Variants in PLCB1 observed in about 807,000 individuals in gnomAD.
PLCB1 encodes 1-phosphatidylinositol 4,5-bisphosphate phosphodiesterase beta-1.
PLCB1 carries 46 observed loss-of-function variants against 161.8 expected under a neutral mutation model. The observed-to-expected ratio is 0.28, with a 90% CI of 0.22 to 0.36. The LOEUF (loss-of-function observed/expected upper bound fraction) is 0.36, where lower values mean the gene tolerates loss of function less well. PLCB1 is among the 10% of genes least tolerant of loss of function. The pLI is 1.00. For missense variants in PLCB1, 1,016 were observed against 1,472.5 expected (o/e 0.69, Z 5.07); for synonymous variants, 517 against 503.7 (o/e 1.03, Z -0.35).
In PLCB1 at chr20:8,475,036, C is replaced by T. The variant is rs533818146; in HGVS notation, c.246+103586C>T. 6.0e-3 allele frequency among the ~76,000 whole-genome samples: 882 copies of T among 146,444 alleles called. 7 individuals carry two copies. Among genetic ancestry groups the T allele is most frequent in the African/African-American group, 0.02 (812 of 39,786 alleles). On this transcript the variant is annotated intron_variant, in intron 3 of 31. Transcript: ENST00000338037. ...ACACACACACACACACACACACAGA[C>T]ACACACACACACTCTTTAGTATATT... is the stretch of plus-strand genomic sequence containing the variant.
chr20:8,240,304 A>ACACACACG (rs757143513), intron 2 of PLCB1, among the ~76,000 whole-genome samples: 1 of 149,848 alleles, frequency 6.7e-6, no homozygotes, highest in African/African-American at 2.4e-5. Context: ...ACACACACAC[A>ACACACACG]CGCACACACA....
chr20:8,211,407 C>T (rs1978816028), intron 2 of PLCB1, among the ~76,000 whole-genome samples: 1 of 152,096 alleles, frequency 6.6e-6, no homozygotes, highest in Admixed American at 6.6e-5. Context: ...TTTATGTATA[C>T]TTCTATCTCT....
At chr20:8,246,779 T>G (rs1006674124) in intron 2 of PLCB1, among the ~76,000 whole-genome samples, 1 of 151,936 alleles carries the variant, frequency 6.6e-6, no homozygotes, top group African/African-American at 2.4e-5. Context: ...GTTTTTATCT[T>G]TTAATTTGCA....
At chr20:8,295,122 A>G (rs906786612) in intron 2 of PLCB1, among the ~76,000 whole-genome samples, 3 of 152,200 alleles carry the variant, frequency 2.0e-5, no homozygotes, top group African/African-American at 7.2e-5. Context: ...AAACAGGACT[A>G]CATTTAACAC....
chr20:8,614,584 CTGTGTGTGTGTGTGTGTGTGTG>C (rs71331317), intron 3 of PLCB1, among the ~76,000 whole-genome samples: 4 of 147,134 alleles, frequency 2.7e-5, no homozygotes, highest in South Asian at 2.2e-4. Flanking sequence ...ATGTAAAATT[CTGTGTGTGTGTGTGTGTGTGTG>C]TGTGTGTGTG....
intron 31 of PLCB1, chr20:8,792,857 A>C: frequency 3.0e-6 from 1 of 333,840 alleles, no homozygotes; most frequent in South Asian, 2.6e-5. Context: ...TAGACAGTAG[A>C]GTAAAAGAAC....
chr20:8,170,234 T>C (rs1173490771), intron 2 of PLCB1, among the ~76,000 whole-genome samples: 1 of 152,198 alleles, frequency 6.6e-6, no homozygotes, highest in African/African-American at 2.4e-5. Flanking sequence ...AGGAAAATCT[T>C]ACTGACTCTA....
At chr20:8,667,442 A>G (rs529407600) in intron 9 of PLCB1, among the ~76,000 whole-genome samples, 2 of 152,258 alleles carry the variant, frequency 1.3e-5, no homozygotes, top group East Asian at 3.9e-4. Flanking sequence ...TTGTGGATCT[A>G]TTGTTCATTG....
rs1555782393 is a variant in PLCB1, at chr20:8,676,434, G to GAA, written c.863-8497_863-8496insAA. On this transcript the variant is annotated intron_variant, in intron 9 of 31. Coordinates refer to ENST00000338037, the MANE Select transcript of PLCB1 (RefSeq NM_015192.4). ...GAAAGAGAAGAAAGAAAGAAAGAAA[G>GAA]AGAGAAAGAGTACCATTTTGAAAGC... Among the ~76,000 whole-genome samples, 267 of 151,562 alleles carry GAA rather than the reference G, an allele frequency of 1.8e-3. 2 individuals are homozygous for GAA. Among genetic ancestry groups the GAA allele is most frequent in the African/African-American group, 5.7e-3 (235 of 41,346 alleles).
At chr20:8,215,936 T>C (rs1979098006) in intron 2 of PLCB1, among the ~76,000 whole-genome samples, 1 of 152,082 alleles carries the variant, frequency 6.6e-6, no homozygotes, top group African/African-American at 2.4e-5. Context: ...CAGAGTTAAT[T>C]GGATGATACC....
intron 3 of PLCB1, among the ~76,000 whole-genome samples, chr20:8,505,673 C>T (rs2122829868): frequency 6.6e-6 from 1 of 152,270 alleles, no homozygotes; most frequent in East Asian, 1.9e-4. Flanking sequence ...TGTTAAACTG[C>T]TCAATGGTAT....
intron 2 of PLCB1, among the ~76,000 whole-genome samples, chr20:8,161,580 T>A (rs1449323438): frequency 1.3e-5 from 2 of 152,178 alleles, no homozygotes; most frequent in Non-Finnish European, 2.9e-5. Flanking sequence ...CCTGCAGGAT[T>A]TTTTTCCTTG....
Position 8,628,338 on chromosome 20 carries a change from C to T in PLCB1, c.291C>T (p.Arg97=). ...TTTTGGATGTGGGGAACATCGGGCG[C>T]CTGGAGCAGCGCATGATCACAGTGG... The part of the protein sequence containing the change: ...RELLDVGNIG[R]LEQRMITVVY... The change falls in exon 4 of 32, where the codon CGC becomes CGT. Residue 97 remains arginine (R), a synonymous_variant. Transcript: ENST00000338037. The T allele has an allele frequency of 1.9e-6, 3 of 1,613,966 alleles. No individual in the cohort carries two copies. Among genetic ancestry groups the T allele is most frequent in the Non-Finnish European group, 1.7e-6 (2 of 1,179,890 alleles).
intron 3 of PLCB1, among the ~76,000 whole-genome samples, chr20:8,414,719 A>G (rs143282626): frequency 1.3e-5 from 2 of 152,306 alleles, no homozygotes; most frequent in East Asian, 3.9e-4. Context: ...GCCATTAGCC[A>G]CATGTAGCTG....
At chr20:8,533,767 C>G (rs1288065585) in intron 3 of PLCB1, among the ~76,000 whole-genome samples, 1 of 151,694 alleles carries the variant, frequency 6.6e-6, no homozygotes, top group Non-Finnish European at 1.5e-5. Context: ...GATATTAGCC[C>G]TTTGTCAGAT....
At chr20:8,244,698 TC>T (rs544211281) in intron 2 of PLCB1, among the ~76,000 whole-genome samples, 28 of 151,914 alleles carry the variant, frequency 1.8e-4, no homozygotes, top group African/African-American at 6.3e-4. Flanking sequence ...GTTAGATACT[TC>T]CCCATGTATA....
chr20:8,653,519 A>C (rs1989374599), intron 7 of PLCB1: 1 of 152,034 alleles, frequency 6.6e-6, no homozygotes, highest in African/African-American at 2.4e-5. Context: ...TCAGAATAAA[A>C]ATATTGACAG....
Position 8,722,409 on chromosome 20 carries a change from T to G in PLCB1, c.1569T>G (p.Ser523=), listed in dbSNP as rs1979695196. 3.1e-6 allele frequency: 5 copies of G among 1,610,366 alleles called. No homozygotes were observed. The African/African-American group carries it at 6.7e-5, about 22-fold the overall frequency. Residue 523 remains serine, a synonymous_variant, in exon 15 of 32, where the codon TCT becomes TCG. Coordinates refer to ENST00000338037, the MANE Select transcript of PLCB1 (RefSeq NM_015192.4). ...ATGATGATGATGACTGTAAAAAATCTTCAATGGATGAGGTGGGTACTTAGG... is the reference window on the plus strand; with the variant it reads ...ATGATGATGATGACTGTAAAAAATCGTCAATGGATGAGGTGGGTACTTAGG... ...DDDDDDDCKK[S]SMDEGTAGSE... is the part of the protein sequence containing the mutation.
chr20:8,663,694 A>G (rs1239621170), intron 9 of PLCB1, among the ~76,000 whole-genome samples: 1 of 152,170 alleles, frequency 6.6e-6, no homozygotes, highest in Non-Finnish European at 1.5e-5. Flanking sequence ...AGAGGATACT[A>G]TTCTCCTGGG....
Sources: gnomAD v4.1 joint callset for allele counts (sites outside exome capture counted in the v4.1 genomes callset) on GRCh38, gnomAD v4.1.1 for gene constraint, MANE v1.5 for transcripts, NCBI Gene and HGNC (gene_info 2026-07-23, HGNC 2026-07-21) for gene names.